Variants in PCNX4 observed in about 807,000 individuals in gnomAD.
The protein encoded by PCNX4 is pecanex 4, also known as pecanex-like protein 4.
PCNX4 carries 103 observed loss-of-function variants against 107.2 expected under a neutral mutation model. The ratio of observed to expected loss-of-function variants is 0.96; its 90% CI spans 0.82 to 1.13. The LOEUF is 1.13. PCNX4 is among the 50% of genes most tolerant of loss of function. The pLI, the probability that PCNX4 is intolerant of heterozygous loss-of-function variation, is 0.00. For missense variants in PCNX4, 1,528 were observed against 1,379.4 expected, an observed-to-expected ratio of 1.11 and a Z score of -1.71; for synonymous variants, 541 against 481.7, an observed-to-expected ratio of 1.12 and a Z score of -1.61.
At chr14:60,125,875 A>G (rs978829781) in intron 10 of PCNX4, 52 bp downstream of exon 10, 69 of 1,200,334 alleles carry the variant, frequency 5.7e-5, no homozygotes, top group Non-Finnish European at 7.5e-5. Flanking sequence ...AAGAATGGAT[A>G]TAAGTTATAA....
intron 1 of PCNX4, among the ~76,000 whole-genome samples, chr14:60,102,429 A>G (rs1895550749): frequency 6.6e-6 from 1 of 152,084 alleles, no homozygotes; most frequent in African/African-American, 2.4e-5. Context: ...TGTTTAACAG[A>G]TTTTTAGTAT....
At position 60,137,335 on chromosome 14, in the gene PCNX4, G is replaced by A. The variant is rs1896251599; in HGVS notation, c.*3114G>A. Reference sequence around the variant, plus strand: ...TCCAAGGAAGTAGGGGAGGGGAAAGGAATCCTAGTTAACTGACCATACATT... The same window carrying A: ...TCCAAGGAAGTAGGGGAGGGGAAAGAAATCCTAGTTAACTGACCATACATT... On this transcript the variant is annotated 3_prime_UTR_variant, in exon 11 of 11. Coordinates refer to ENST00000406854, the MANE Select transcript of PCNX4 (RefSeq NM_001330177.2). The A allele has an allele frequency of 6.6e-6, 1 of 152,190 alleles. No individual in the cohort carries two copies. The highest frequency in any genetic ancestry group is 1.5e-5 in the Non-Finnish European group (1 of 68,068). 9.4% of individuals were successfully genotyped at this position (152,190 alleles called of 1,614,324 possible).
Position 60,139,551 on chromosome 14 carries a change from A to G in PCNX4, c.*5330A>G, listed in dbSNP as rs950253135. 3 of 152,180 alleles carry G rather than the reference A, an allele frequency of 2.0e-5. No homozygotes were observed. Among genetic ancestry groups the G allele is most frequent in the Admixed American group, 6.5e-5 (1 of 15,278 alleles). The allele number at this position is 152,180 out of a possible 1,614,324, so 9.4% of individuals were successfully genotyped here. ...TATACTCAGTAACAGAACAGCAGCC[A>G]TGCAAAAATACGTAAATATGTAAAG... On this transcript the variant is annotated 3_prime_UTR_variant, in exon 11 of 11. Coordinates refer to ENST00000406854, the MANE Select transcript of PCNX4 (RefSeq NM_001330177.2).
At chr14:60,092,583 C>CA (rs1239370395) in intron 1 of PCNX4, among the ~76,000 whole-genome samples, 164 bp downstream of exon 1, 1 of 152,222 alleles carries the variant, frequency 6.6e-6, no homozygotes, top group Admixed American at 6.5e-5. Flanking sequence ...TTAATGAACT[C>CA]AGTCATTAGA....
At chr14:60,104,058 C>T (rs897527372) in intron 1 of PCNX4, among the ~76,000 whole-genome samples, 4 of 152,122 alleles carry the variant, frequency 2.6e-5, no homozygotes, top group South Asian at 2.1e-4. Context: ...CAGTGGCTCA[C>T]GCCTGTAATT....
At chr14:60,115,908 A>G (rs1895839025) in intron 5 of PCNX4, 33 bp from the exon 6 acceptor site, 2 of 1,594,722 alleles carry the variant, frequency 1.3e-6, no homozygotes, top group Non-Finnish European at 1.7e-6. Flanking sequence ...ATCTAATTCT[A>G]CCTGATAAAA....
In PCNX4 at chr14:60,139,451, T is replaced by C. The variant is rs1896282139; in HGVS notation, c.*5230T>C. 6.6e-6 allele frequency: 1 copy of C among 152,054 alleles called. No homozygotes were observed. Among genetic ancestry groups the C allele is most frequent in the Non-Finnish European group, 1.5e-5 (1 of 67,936 alleles). 9.4% of individuals were successfully genotyped at this position (152,054 alleles called of 1,614,324 possible). A position where few individuals can be genotyped will look rare whatever the true frequency, so the allele number is the denominator to read the frequency against. The stretch of plus-strand genomic sequence containing the variant: ...GTCTAATATTTTAATGATTTAACAA[T>C]ATAGCCTCAAATATATAAGCAGAAA... On this transcript the variant is annotated 3_prime_UTR_variant, in exon 11 of 11. Coordinates refer to ENST00000406854, the MANE Select transcript of PCNX4 (RefSeq NM_001330177.2).
At chr14:60,104,157 A>G (rs752247540) in intron 1 of PCNX4, among the ~76,000 whole-genome samples, 11 of 151,986 alleles carry the variant, frequency 7.2e-5, no homozygotes, top group Non-Finnish European at 1.6e-4. Context: ...CGTCTCCACT[A>G]AAAATACAAA....
At chr14:60,123,893 T>C (rs1374916691) in intron 8 of PCNX4, among the ~76,000 whole-genome samples, 1 of 152,168 alleles carries the variant, frequency 6.6e-6, no homozygotes, top group Non-Finnish European at 1.5e-5. Flanking sequence ...GATTATAATT[T>C]AAAAGTTTTT....
At chr14:60,118,262 A>G in intron 6 of PCNX4, 67 bp from the exon 7 acceptor site, 2 of 1,461,178 alleles carry the variant, frequency 1.4e-6, no homozygotes, top group Non-Finnish European at 1.8e-6. Flanking sequence ...AGTCTGTCTT[A>G]TATGATCTTG....
chr14:60,147,297 C>T lies in PCNX4; in HGVS notation c.*13076C>T, dbSNP rs1312316245. 6.6e-6 allele frequency: 1 copy of T among 152,108 alleles called. No homozygotes were observed. Among genetic ancestry groups the T allele is most frequent in the Non-Finnish European group, 1.5e-5 (1 of 68,002 alleles). 9.4% of individuals were successfully genotyped at this position (152,108 alleles called of 1,614,324 possible). A position where few individuals can be genotyped will look rare whatever the true frequency, so the allele number is the denominator to read the frequency against. On this transcript the variant is annotated 3_prime_UTR_variant, in exon 11 of 11. Transcript: ENST00000406854. Reference sequence around the variant, plus strand: ...AAATAACTTATGTTATTATAATTTACAGATTCTAAGGATCTAATATACCGC... The same window carrying T: ...AAATAACTTATGTTATTATAATTTATAGATTCTAAGGATCTAATATACCGC...
chr14:60,139,795 TAAG>T lies in PCNX4; in HGVS notation c.*5577_*5579del, dbSNP rs892348816. 2.0e-5 allele frequency: 3 copies of T among 152,016 alleles called. No individual in the cohort carries two copies. Among genetic ancestry groups the T allele is most frequent in the Non-Finnish European group, 2.9e-5 (2 of 67,928 alleles). The allele number at this position is 152,016 out of a possible 1,614,324, so 9.4% of individuals were successfully genotyped here. A position where few individuals can be genotyped will look rare whatever the true frequency, so the allele number is the denominator to read the frequency against. On this transcript the variant is annotated 3_prime_UTR_variant, in exon 11 of 11. Transcript: ENST00000406854. Reference sequence around the variant, plus strand: ...GAAAAATTCTATTAAGTTCATAAATTAAGAAATACACTTTTAAATAACTCATGG... The same window carrying T: ...GAAAAATTCTATTAAGTTCATAAATTAAATACACTTTTAAATAACTCATGG...
rs1315229104 is a variant in PCNX4, at chr14:60,139,822, G to T, written c.*5601G>T. 6.6e-6 allele frequency: 1 copy of T among 151,866 alleles called. No individual in the cohort carries two copies. The highest frequency in any genetic ancestry group is 1.5e-5 in the Non-Finnish European group (1 of 67,906). The allele number at this position is 151,866 out of a possible 1,614,324, so 9.4% of individuals were successfully genotyped here. ...AGAAATACACTTTTAAATAACTCAT[G>T]GATCAGACAATAAATTACAATGAAA... On this transcript the variant is annotated 3_prime_UTR_variant, in exon 11 of 11. Transcript: ENST00000406854.
intron 8 of PCNX4, among the ~76,000 whole-genome samples, chr14:60,123,155 A>G (rs1895986065): frequency 1.3e-5 from 2 of 152,182 alleles, no homozygotes; most frequent in African/African-American, 4.8e-5. Context: ...CTATTTAAAA[A>G]TGATATGGTT....
At chr14:60,114,666 T>C in intron 2 of PCNX4, 34 bp from the exon 3 acceptor site, 1 of 1,556,268 alleles carries the variant, frequency 6.4e-7, no homozygotes, top group Non-Finnish European at 8.8e-7. Context: ...TCTATATATT[T>C]CGTGTGATTT....
At chr14:60,129,801 ATAGTAAGCTT>A (rs1437117652) in intron 10 of PCNX4, among the ~76,000 whole-genome samples, 2 of 152,202 alleles carry the variant, frequency 1.3e-5, no homozygotes, top group African/African-American at 4.8e-5. Context: ...TAAGACAGAG[ATAGTAAGCTT>A]TAGTCAACCA....
In PCNX4 at chr14:60,125,784, A is replaced by G. The variant is rs1896044433; in HGVS notation, c.3228A>G (p.Glu1076=). 1 of 1,610,760 alleles carries G rather than the reference A, an allele frequency of 6.2e-7. No homozygotes were observed. The highest frequency in any genetic ancestry group is 2.2e-5 in the East Asian group (1 of 44,686). The change falls in exon 10 of 11, where the codon GAA becomes GAG. Residue 1076 remains glutamate (E), a synonymous_variant. Transcript: ENST00000406854. ...AGTGGAAGGAAGCAATTTTACAAGA[A>G]AAGCCATACTTGTTTTCTCTGGGGT... ...DEKWKEAILQ[E]KPYLFSLGYD...
chr14:60,093,620 G>A (rs752037634), intron 1 of PCNX4, among the ~76,000 whole-genome samples: 11 of 152,016 alleles, frequency 7.2e-5, no homozygotes, highest in South Asian at 2.1e-4. Context: ...TCATTTTTTG[G>A]CTGTTAGTAA....
chr14:60,105,827 A>G (rs1207414263), intron 1 of PCNX4, among the ~76,000 whole-genome samples: 1 of 152,202 alleles, frequency 6.6e-6, no homozygotes, highest in Non-Finnish European at 1.5e-5. Flanking sequence ...AAGTTATCTC[A>G]GTAGAGCCAG....
Sources: gnomAD v4.1 joint callset for allele counts (sites outside exome capture counted in the v4.1 genomes callset) on GRCh38, gnomAD v4.1.1 for gene constraint, MANE v1.5 for transcripts, NCBI Gene and HGNC (gene_info 2026-07-23, HGNC 2026-07-21) for gene names.